PM20D2: variants seen among roughly 807,000 people sequenced by gnomAD.
PM20D2 encodes xaa-Arg dipeptidase.
Under a neutral mutation model 42.9 loss-of-function variants are expected in PM20D2, and 33 were observed. The observed-to-expected ratio is 0.77, with a 90% CI of 0.58 to 1.03. The LOEUF (loss-of-function observed/expected upper bound fraction) is 1.03, where lower values mean the gene tolerates loss of function less well. PM20D2 is among the 50% of genes least tolerant of loss of function. The pLI, the probability that PM20D2 is intolerant of heterozygous loss-of-function variation, is 0.00. For synonymous variants in PM20D2, 250 were observed against 228.2 expected (o/e 1.10, Z -0.86); for missense variants, 548 against 557.0 (o/e 0.98, Z 0.16).
At chr6:89,146,830 GATT>G (rs1215919432) in intron 1 of PM20D2, among the ~76,000 whole-genome samples, 1 of 152,250 alleles carries the variant, frequency 6.6e-6, no homozygotes, top group Non-Finnish European at 1.5e-5. Flanking sequence ...ACATCTTGCA[GATT>G]ATTGTTTCCT....
the PM20D2 span, among the ~76,000 whole-genome samples, chr6:89,117,334 G>T: frequency 1.3e-5 from 2 of 152,230 alleles, no homozygotes; most frequent in Admixed American, 6.5e-5. Flanking sequence ...CTGGGGGAAA[G>T]AAACTGTAAG....
chr6:89,152,358 C>T (rs922323995), intron 2 of PM20D2, among the ~76,000 whole-genome samples: 4 of 151,904 alleles, frequency 2.6e-5, no homozygotes, highest in African/African-American at 7.3e-5. Context: ...TATCAAAGCA[C>T]GTCAATCACA....
the PM20D2 span, chr6:89,106,968 C>A: frequency 1.5e-6 from 1 of 647,512 alleles, no homozygotes; most frequent in East Asian, 3.2e-5. Context: ...TGGATTCTAG[C>A]TAACAGGTTG....
the PM20D2 span, among the ~76,000 whole-genome samples, chr6:89,119,272 AC>A: frequency 2.0e-5 from 3 of 152,200 alleles, no homozygotes; most frequent in Non-Finnish European, 4.4e-5. Context: ...AAAGATACAA[AC>A]TATAATACAG....
At chr6:89,109,073 T>C in the PM20D2 span, among the ~76,000 whole-genome samples, 3 of 152,136 alleles carry the variant, frequency 2.0e-5, no homozygotes. Flanking sequence ...AGGAATATAA[T>C]GAGAAACAAG....
chr6:89,119,466 A>G, the PM20D2 span, among the ~76,000 whole-genome samples: 2 of 152,344 alleles, frequency 1.3e-5, no homozygotes, highest in African/African-American at 4.8e-5. Flanking sequence ...GAGGCAAAAC[A>G]GGAGCATGAG....
chr6:89,153,034 A>T lies in PM20D2; in HGVS notation c.615-9A>T. ...CAAAAGTAATTTCAAATGATTTTTT[A>T]TTTCCTAGTGTGACTGTGAAATACT... On this transcript the variant is annotated splice_polypyrimidine_tract_variant and intron_variant, in intron 2 of 6. Coordinates refer to ENST00000275072, the MANE Select transcript of PM20D2 (RefSeq NM_001010853.3). The T allele has an allele frequency of 6.4e-7, 1 of 1,566,908 alleles. No homozygotes were observed. Among genetic ancestry groups the T allele is most frequent in the Non-Finnish European group, 8.6e-7 (1 of 1,157,666 alleles).
At chr6:89,145,256 A>G (rs913045097), upstream of PM20D2, among the ~76,000 whole-genome samples, 2 of 152,336 alleles carry the variant, frequency 1.3e-5, no homozygotes, top group African/African-American at 4.8e-5. Flanking sequence ...TCACTGGGTA[A>G]TTAAAAAACT....
the PM20D2 span, among the ~76,000 whole-genome samples, chr6:89,131,705 A>C: frequency 6.6e-6 from 1 of 152,112 alleles, no homozygotes; most frequent in Non-Finnish European, 1.5e-5. Context: ...GTTTCCAGTG[A>C]CATGGAAAGT....
chr6:89,155,653 A>C (rs1024798955), intron 4 of PM20D2, among the ~76,000 whole-genome samples: 1 of 152,054 alleles, frequency 6.6e-6, no homozygotes, highest in Admixed American at 6.6e-5. Context: ...GGCTTGCTGG[A>C]ATGGAAGATA....
chr6:89,117,436 C>T, the PM20D2 span, among the ~76,000 whole-genome samples: 4 of 152,164 alleles, frequency 2.6e-5, no homozygotes. Flanking sequence ...TATCGGGGCA[C>T]GGCGACAAAG....
rs1428635138 is a variant in PM20D2, at chr6:89,157,404, T to C, written c.913-921T>C. On this transcript the variant is annotated intron_variant, in intron 4 of 6. Transcript: ENST00000275072. ...TATTGGTTTGAGGGAATATTGCCAA[T>C]TTTTATTTAATCAAAACTGAATCTG... Among the ~76,000 whole-genome samples the C allele has an allele frequency of 2.0e-5, 3 of 150,724 alleles. No individual in the cohort carries two copies. In the East Asian group the frequency reaches 5.8e-4, roughly 29 times the overall value.
the PM20D2 span, among the ~76,000 whole-genome samples, chr6:89,135,470 G>A: frequency 2.0e-5 from 3 of 150,992 alleles, no homozygotes; most frequent in African/African-American, 7.4e-5. Context: ...AAGTTTTCTT[G>A]GACAGTGATA....
chr6:89,095,050 T>C, the PM20D2 span, among the ~76,000 whole-genome samples: 1 of 152,138 alleles, frequency 6.6e-6, no homozygotes, highest in Non-Finnish European at 1.5e-5. Context: ...ACACAGTAGT[T>C]TGGCATTTCG....
chr6:89,140,133 G>C, the PM20D2 span, among the ~76,000 whole-genome samples: 1 of 152,012 alleles, frequency 6.6e-6, no homozygotes, highest in Non-Finnish European at 1.5e-5. Flanking sequence ...GTAGAGATGG[G>C]GGGGTGGTCT....
At chr6:89,127,331 CTTT>C in the PM20D2 span, among the ~76,000 whole-genome samples, 18 of 137,144 alleles carry the variant, frequency 1.3e-4, no homozygotes, top group Admixed American at 2.2e-4. Flanking sequence ...CTGTGAAATG[CTTT>C]TTTTTTTTTT....
chr6:89,132,731 G>A, the PM20D2 span, among the ~76,000 whole-genome samples: 4 of 150,600 alleles, frequency 2.7e-5, no homozygotes, highest in African/African-American at 7.5e-5. Context: ...CCAGCTACTC[G>A]GGAGGCTGAG....
the PM20D2 span, among the ~76,000 whole-genome samples, chr6:89,111,109 C>CGTT: frequency 3.3e-5 from 4 of 120,744 alleles, no homozygotes; most frequent in Non-Finnish European, 1.6e-5. Flanking sequence ...TGAGACTTGT[C>CGTT]TTTTTTTTTT....
chr6:89,136,295 T>C, the PM20D2 span, among the ~76,000 whole-genome samples: 1 of 151,266 alleles, frequency 6.6e-6, no homozygotes, highest in Non-Finnish European at 1.5e-5. Flanking sequence ...CACTTAACTC[T>C]GCTAATTCAG....
Sources: allele counts gnomAD v4.1 joint callset (sites outside exome capture counted in the v4.1 genomes callset), GRCh38; gene constraint gnomAD v4.1.1; transcripts MANE v1.5; gene names NCBI Gene and HGNC (gene_info 2026-07-23, HGNC 2026-07-21).